Variants in NXNL2 observed in about 807,000 individuals in gnomAD.
NXNL2 encodes the protein nucleoredoxin-like protein 2.
Under a neutral mutation model 11.1 loss-of-function variants are expected in NXNL2, and 7 were observed. The ratio of observed to expected loss-of-function variants is 0.63; its 90% CI spans 0.36 to 1.18. The LOEUF (loss-of-function observed/expected upper bound fraction) is 1.18, where lower values mean the gene tolerates loss of function less well. Among genes scored for constraint, NXNL2 ranks in the 50% most tolerant of loss-of-function variants. The pLI, the probability that NXNL2 is intolerant of heterozygous loss-of-function variation, is 0.02. For missense variants in NXNL2, 233 were observed against 217.7 expected (o/e 1.07, Z -0.44); for synonymous variants, 109 against 101.8 (o/e 1.07, Z -0.42).
At chr9:88,559,526 C>G (rs371477504) in intron 1 of NXNL2, among the ~76,000 whole-genome samples, 1 of 152,178 alleles carries the variant, frequency 6.6e-6, no homozygotes, top group Non-Finnish European at 1.5e-5. Context: ...CTACCAAGCA[C>G]GTTCACTTGC....
chr9:88,573,674 G>A (rs1830307231), intron 2 of NXNL2, among the ~76,000 whole-genome samples: 1 of 152,194 alleles, frequency 6.6e-6, no homozygotes, highest in Non-Finnish European at 1.5e-5. Context: ...GGGAAATGGG[G>A]CACGGTTTTT....
downstream of NXNL2, among the ~76,000 whole-genome samples, chr9:88,577,207 CTTAGCA>C (rs1564078591): frequency 6.6e-6 from 1 of 152,046 alleles, no homozygotes; most frequent in Non-Finnish European, 1.5e-5. Flanking sequence ...CTGAGCAATT[CTTAGCA>C]TTAGGAAGAG....
In NXNL2 at chr9:88,544,732, A is replaced by T. The variant is rs1829825270; in HGVS notation, c.*185A>T. 7.3e-7 allele frequency: 1 copy of T among 1,371,582 alleles called. No homozygotes were observed. 85.0% of individuals were successfully genotyped at this position (1,371,582 alleles called of 1,614,324 possible). On this transcript the variant is annotated 3_prime_UTR_variant, in exon 2 of 2. Transcript: ENST00000375854. Reference sequence around the variant, plus strand: ...AAATAATACACTCCATATTTTGATCATGCAGGCTGTTTGTATTATAGTTAT... The same window carrying T: ...AAATAATACACTCCATATTTTGATCTTGCAGGCTGTTTGTATTATAGTTAT...
chr9:88,541,285 G>C (rs996707378), intron 1 of NXNL2, among the ~76,000 whole-genome samples: 5 of 150,150 alleles, frequency 3.3e-5, no homozygotes, highest in African/African-American at 1.2e-4. Flanking sequence ...TTTAGAGCTA[G>C]GGTCTTGCAC....
downstream of NXNL2, among the ~76,000 whole-genome samples, chr9:88,576,507 G>A (rs1372093757): frequency 6.6e-6 from 1 of 152,162 alleles, no homozygotes; most frequent in East Asian, 1.9e-4. Flanking sequence ...GTCTCCCAGG[G>A]GTGCTTGCTG....
chr9:88,535,332 G>T lies in NXNL2; in HGVS notation c.-103G>T, dbSNP rs917463926. ...GTCTTGAGAGGTCCAGCGCCCGGTGGTGCGGACAGAGGCGGGGCACCGCGG... is the reference window on the plus strand; with the variant it reads ...GTCTTGAGAGGTCCAGCGCCCGGTGTTGCGGACAGAGGCGGGGCACCGCGG... On this transcript the variant is annotated 5_prime_UTR_variant, in exon 1 of 2. Transcript: ENST00000375854. 3.3e-6 allele frequency: 4 copies of T among 1,213,166 alleles called. No homozygotes were observed. In the Admixed American group the frequency reaches 1.1e-4, roughly 34 times the overall value. 75.2% of individuals were successfully genotyped at this position (1,213,166 alleles called of 1,614,324 possible).
downstream of NXNL2, among the ~76,000 whole-genome samples, chr9:88,548,110 G>GCA (rs1458108027): frequency 3.2e-4 from 49 of 151,310 alleles, no homozygotes; most frequent in African/African-American, 1.2e-3. Context: ...AGGCCGAGGT[G>GCA]GGTGGATTGC....
At chr9:88,542,610 T>C (rs7020328) in intron 1 of NXNL2, among the ~76,000 whole-genome samples, 3,484 of 152,256 alleles carry the variant, frequency 0.023, 123 homozygotes, top group African/African-American at 0.074. Context: ...TTCTTATTGG[T>C]TTCCAATTCC....
intron 2 of NXNL2, among the ~76,000 whole-genome samples, chr9:88,573,693 T>C (rs755413079): frequency 6.6e-6 from 1 of 152,196 alleles, no homozygotes; most frequent in Non-Finnish European, 1.5e-5. Context: ...TTAGTGGGTA[T>C]GAAAATGTTC....
At chr9:88,565,519 C>A (rs1830155791) in intron 1 of NXNL2, among the ~76,000 whole-genome samples, 1 of 152,132 alleles carries the variant, frequency 6.6e-6, no homozygotes, top group Non-Finnish European at 1.5e-5. Flanking sequence ...TCCTCTCTAA[C>A]ACTTGTATTT....
intron 1 of NXNL2, among the ~76,000 whole-genome samples, chr9:88,560,498 C>T (rs1462780132): frequency 7.9e-5 from 12 of 151,896 alleles, no homozygotes; most frequent in Non-Finnish European, 1.8e-4. Flanking sequence ...GTGCAGGGGA[C>T]TAGATGTTTA....
At chr9:88,567,894 T>C (rs1587854283) in intron 1 of NXNL2, among the ~76,000 whole-genome samples, 1 of 152,274 alleles carries the variant, frequency 6.6e-6, no homozygotes, top group Middle Eastern at 3.4e-3. Flanking sequence ...CAGCCTGAGT[T>C]GAAGGAGGTA....
rs1829823984 is a variant in NXNL2 at position 88,544,653 on chromosome 9, T to C, written c.*106T>C. The C allele has an allele frequency of 4.2e-6, 6 of 1,435,566 alleles. No individual in the cohort carries two copies. The South Asian group carries it at 7.6e-5, about 18-fold the overall frequency. The allele number at this position is 1,435,566 out of a possible 1,614,324, so 88.9% of individuals were successfully genotyped here. On this transcript the variant is annotated 3_prime_UTR_variant, in exon 2 of 2. Transcript: ENST00000375854. The stretch of plus-strand genomic sequence containing the variant: ...CCTTCCTCTGTTGGTGTGATTTCAT[T>C]GTATTTCAGAGCAGAAGCACTAAGC...
intron 1 of NXNL2, among the ~76,000 whole-genome samples, chr9:88,561,152 G>C (rs777593740): frequency 6.6e-6 from 1 of 152,114 alleles, no homozygotes; most frequent in Non-Finnish European, 1.5e-5. Flanking sequence ...ACCTTAGTCA[G>C]GTGGACACCA....
chr9:88,549,690 C>A (rs1829900566), downstream of NXNL2, among the ~76,000 whole-genome samples: 1 of 152,028 alleles, frequency 6.6e-6, no homozygotes, highest in Non-Finnish European at 1.5e-5. Flanking sequence ...GTTCTGCAGG[C>A]TTTACAGGAA....
intron 1 of NXNL2, among the ~76,000 whole-genome samples, chr9:88,557,979 C>T (rs139588405): frequency 3.3e-4 from 50 of 152,310 alleles, no homozygotes; most frequent in African/African-American, 1.2e-3. Context: ...CTCTGTGATA[C>T]TGTGAAATAT....
chr9:88,552,959 A>G (rs936194368), intron 1 of NXNL2, among the ~76,000 whole-genome samples: 2 of 152,190 alleles, frequency 1.3e-5, no homozygotes, highest in South Asian at 2.1e-4. Context: ...ACCTAAAAGG[A>G]TGATTTTAAA....
At chr9:88,536,194 A>C (rs1317674318) in intron 1 of NXNL2, among the ~76,000 whole-genome samples, 1 of 151,620 alleles carries the variant, frequency 6.6e-6, no homozygotes, top group Non-Finnish European at 1.5e-5. Context: ...TGCGGGGATG[A>C]GGGATGACCC....
intron 1 of NXNL2, among the ~76,000 whole-genome samples, chr9:88,542,426 C>A (rs1474193670): frequency 6.6e-6 from 1 of 151,766 alleles, no homozygotes; most frequent in Middle Eastern, 3.4e-3. Context: ...GTAGCTGGGA[C>A]CACAAATGCG....
Sources: gnomAD v4.1 joint callset for allele counts (sites outside exome capture counted in the v4.1 genomes callset) on GRCh38, gnomAD v4.1.1 for gene constraint, MANE v1.5 for transcripts, NCBI Gene and HGNC (gene_info 2026-07-23, HGNC 2026-07-21) for gene names.